EIF5A2: variants seen among roughly 807,000 people sequenced by gnomAD.
EIF5A2 encodes eukaryotic translation initiation factor 5A-2.
Under a neutral mutation model 16.4 loss-of-function variants are expected in EIF5A2, and 15 were observed. That is an observed-to-expected ratio of 0.92 (90% confidence interval 0.61 to 1.41). EIF5A2 has a LOEUF of 1.41. Among genes scored for constraint, EIF5A2 ranks in the 40% most tolerant of loss-of-function variants. EIF5A2 has a pLI of 0.00. For missense variants in EIF5A2, 144 were observed against 189.5 expected, an observed-to-expected ratio of 0.76 and a Z score of 1.41; for synonymous variants, 48 against 61.1, an observed-to-expected ratio of 0.79 and a Z score of 1.00.
At position 170,888,882 on chromosome 3, in the gene EIF5A2, AT is replaced by A. The variant is rs1257818247; in HGVS notation, c.*4477del. On this transcript the variant is annotated 3_prime_UTR_variant, in exon 5 of 5. Transcript: ENST00000295822. ...TTATAGTAGATATTAACCACAATAA[AT>A]AACTCCTCAAAAAAGATCACAACTA... The A allele has an allele frequency of 6.6e-6, 1 of 152,404 alleles. No homozygotes were observed. The highest frequency in any genetic ancestry group is 2.4e-5 in the African/African-American group (1 of 41,438). 9.4% of individuals were successfully genotyped at this position (152,404 alleles called of 1,614,324 possible).
At position 170,892,692 on chromosome 3, in the gene EIF5A2, T is replaced by C. The variant is rs1189978928; in HGVS notation, c.*668A>G. On this transcript the variant is annotated 3_prime_UTR_variant, in exon 5 of 5. Transcript: ENST00000295822. ...GTCTTTTGTGTCTTCCTTATAATCT[T>C]ACTTGCTAACTAACTTTCACCCAAC... The C allele has an allele frequency of 2.5e-6, 1 of 398,190 alleles. No homozygotes were observed. Among genetic ancestry groups the C allele is most frequent in the Admixed American group, 4.4e-5 (1 of 22,588 alleles). 24.7% of individuals were successfully genotyped at this position (398,190 alleles called of 1,614,324 possible). A position where few individuals can be genotyped will look rare whatever the true frequency, so the allele number is the denominator to read the frequency against.
At chr3:170,907,447 A>C (rs1472500007) in intron 2 of EIF5A2, among the ~76,000 whole-genome samples, 195 bp downstream of exon 2, 1 of 152,232 alleles carries the variant, frequency 6.6e-6, no homozygotes, top group East Asian at 1.9e-4. Context: ...CCAGTTAATG[A>C]ACATTGTAAG....
In EIF5A2 at chr3:170,898,925, T is replaced by G. The variant is rs145664951; in HGVS notation, c.271-4502A>C. Among the ~76,000 whole-genome samples the G allele has an allele frequency of 6.1e-3, 921 of 152,074 alleles. 15 individuals are homozygous for G. Among genetic ancestry groups the G allele is most frequent in the African/African-American group, 0.022 (896 of 41,490 alleles). Reference sequence around the variant, plus strand: ...TCATGATTCTTCAGCAATAAATACTTCAGTGCAACAGCCATGACTTTTCAG... The same window carrying G: ...TCATGATTCTTCAGCAATAAATACTGCAGTGCAACAGCCATGACTTTTCAG... On this transcript the variant is annotated intron_variant, in intron 3 of 4. Coordinates refer to ENST00000295822, the MANE Select transcript of EIF5A2 (RefSeq NM_020390.6).
chr3:170,904,529 T>C (rs1401969851), intron 3 of EIF5A2, among the ~76,000 whole-genome samples: 1 of 152,202 alleles, frequency 6.6e-6, no homozygotes, highest in Non-Finnish European at 1.5e-5. Context: ...GGTCCCACTC[T>C]GTCGCCCAGG....
chr3:170,894,444 A>T, intron 3 of EIF5A2, 21 bp from the exon 4 acceptor site: 1 of 1,611,574 alleles, frequency 6.2e-7, no homozygotes. Flanking sequence ...AAATTATATC[A>T]TTTGTGCTGA....
At position 170,902,668 on chromosome 3, in the gene EIF5A2, G is replaced by T. The variant is rs561353083; in HGVS notation, c.270+4321C>A. On this transcript the variant is annotated intron_variant, in intron 3 of 4. Coordinates refer to ENST00000295822, the MANE Select transcript of EIF5A2 (RefSeq NM_020390.6). ...CTGTTGCCCAGGCTGGAGTGCAATG[G>T]CGGGATCTTAGCTCACTGCAACCTC... Among the ~76,000 whole-genome samples the T allele has an allele frequency of 1.5e-3, 231 of 149,574 alleles. 2 individuals carry two copies. The highest frequency in any genetic ancestry group is 2.5e-3 in the Non-Finnish European group (169 of 67,534).
At chr3:170,904,377 T>C (rs528643898) in intron 3 of EIF5A2, among the ~76,000 whole-genome samples, 5 of 152,246 alleles carry the variant, frequency 3.3e-5, no homozygotes, top group Non-Finnish European at 5.9e-5. Flanking sequence ...ACTCAAAATA[T>C]TGAATTCAGC....
At chr3:170,904,289 C>A (rs960698792) in intron 3 of EIF5A2, among the ~76,000 whole-genome samples, 4 of 152,164 alleles carry the variant, frequency 2.6e-5, no homozygotes, top group African/African-American at 7.2e-5. Flanking sequence ...AATATTAATA[C>A]GTTTTGTTTC....
chr3:170,904,864 A>G (rs1187035394), intron 3 of EIF5A2, among the ~76,000 whole-genome samples: 2 of 152,210 alleles, frequency 1.3e-5, no homozygotes, highest in East Asian at 3.8e-4. Flanking sequence ...ATGAGGCGTT[A>G]TTATTTATGT....
chr3:170,899,850 A>G (rs751454227), intron 3 of EIF5A2, among the ~76,000 whole-genome samples: 1 of 152,118 alleles, frequency 6.6e-6, no homozygotes, highest in Non-Finnish European at 1.5e-5. Flanking sequence ...GGGGATGGTA[A>G]GGAAATTGTT....
In EIF5A2 at chr3:170,907,623, G is replaced by C. The variant is rs752023211; in HGVS notation, c.165+19C>G. Reference sequence around the variant, plus strand: ...AGTCCCAACGCCGAAGCCAAAGCCTGATCTGCAAGGGTACTTACCTTGGCA... The same window carrying C: ...AGTCCCAACGCCGAAGCCAAAGCCTCATCTGCAAGGGTACTTACCTTGGCA... On this transcript the variant is annotated intron_variant, in intron 2 of 4. Transcript: ENST00000295822. 3 of 1,567,204 alleles carry C rather than the reference G, an allele frequency of 1.9e-6. No individual in the cohort carries two copies. The South Asian group carries it at 3.4e-5, about 18-fold the overall frequency.
At chr3:170,898,330 A>G (rs2108293828) in intron 3 of EIF5A2, among the ~76,000 whole-genome samples, 1 of 152,264 alleles carries the variant, frequency 6.6e-6, no homozygotes, top group Non-Finnish European at 1.5e-5. Flanking sequence ...GAATAATATG[A>G]TTTGGCTCTG....
chr3:170,894,176 C>G, intron 4 of EIF5A2, 116 bp downstream of exon 4: 2 of 1,166,426 alleles, frequency 1.7e-6, no homozygotes, highest in Admixed American at 4.7e-5. Context: ...AGATCATTTT[C>G]AACATTTTAG....
Position 170,890,767 on chromosome 3 carries a change from C to A in EIF5A2, c.*2593G>T, listed in dbSNP as rs1214564784. The A allele has an allele frequency of 6.6e-6, 1 of 152,410 alleles. No homozygotes were observed. The highest frequency in any genetic ancestry group is 1.5e-5 in the Non-Finnish European group (1 of 67,948). 9.4% of individuals were successfully genotyped at this position (152,410 alleles called of 1,614,324 possible). On this transcript the variant is annotated 3_prime_UTR_variant, in exon 5 of 5. Transcript: ENST00000295822. ...TTTTAACATTTGCTACAAAAAAGTA[C>A]AACAAATATTGGGAATCAACTTTAA... is the stretch of plus-strand genomic sequence containing the variant.
intron 3 of EIF5A2, among the ~76,000 whole-genome samples, chr3:170,906,480 ACTTTATC>A (rs1386533350): frequency 2.0e-5 from 3 of 152,190 alleles, no homozygotes; most frequent in Admixed American, 6.5e-5. Context: ...GTGACCAGGT[ACTTTATC>A]CTTTATATTT....
chr3:170,892,697 G>T lies in EIF5A2; in HGVS notation c.*663C>A. ...TTGTGTCTTCCTTATAATCTTACTT[G>T]CTAACTAACTTTCACCCAACAGTTC... On this transcript the variant is annotated 3_prime_UTR_variant, in exon 5 of 5. Transcript: ENST00000295822. The T allele has an allele frequency of 2.5e-6, 1 of 398,272 alleles. No homozygotes were observed. The highest frequency in any genetic ancestry group is 4.4e-6 in the Non-Finnish European group (1 of 225,938). 24.7% of individuals were successfully genotyped at this position (398,272 alleles called of 1,614,324 possible).
chr3:170,907,839 G>T lies in EIF5A2; in HGVS notation c.-33C>A. ...AGGGGAGATGGTAGTTTTTCCGTGG[G>T]AACTACACAAAAAGTTTGTGTTTGC... On this transcript the variant is annotated splice_region_variant and 5_prime_UTR_variant, in exon 2 of 5. Transcript: ENST00000295822. 2 of 1,500,924 alleles carry T rather than the reference G, an allele frequency of 1.3e-6. No individual in the cohort carries two copies. Among genetic ancestry groups the T allele is most frequent in the South Asian group, 1.3e-5 (1 of 75,894 alleles). The allele number at this position is 1,500,924 out of a possible 1,614,324, so 93.0% of individuals were successfully genotyped here. A position where few individuals can be genotyped will look rare whatever the true frequency, so the allele number is the denominator to read the frequency against.
rs114213917 is a variant in EIF5A2 at position 170,905,940 on chromosome 3, A to G, written c.270+1049T>C. ...ATTCAAATTTCTACAAAGACTTCAA[A>G]GCAACCTAGAAAACATTTATGACAA... On this transcript the variant is annotated intron_variant, in intron 3 of 4. Coordinates refer to ENST00000295822, the MANE Select transcript of EIF5A2 (RefSeq NM_020390.6). Among the ~76,000 whole-genome samples, 431 of 152,338 alleles carry G rather than the reference A, an allele frequency of 2.8e-3. 3 individuals carry two copies. Among genetic ancestry groups the G allele is most frequent in the African/African-American group, 9.8e-3 (406 of 41,568 alleles).
intron 3 of EIF5A2, among the ~76,000 whole-genome samples, chr3:170,906,300 T>C (rs997973935): frequency 1.3e-5 from 2 of 152,224 alleles, no homozygotes; most frequent in African/African-American, 4.8e-5. Context: ...TATTTTGTTA[T>C]CATCAATACT....
Sources: allele counts gnomAD v4.1 joint callset (sites outside exome capture counted in the v4.1 genomes callset), GRCh38; gene constraint gnomAD v4.1.1; transcripts MANE v1.5; gene names NCBI Gene and HGNC (gene_info 2026-07-23, HGNC 2026-07-21).